Variants in FARP2 observed in about 807,000 individuals in gnomAD.
FARP2 encodes the protein FERM, ARH/RhoGEF and pleckstrin domain protein 2, also known as FERM, ARHGEF and pleckstrin domain-containing protein 2.
Under a neutral mutation model 130.5 loss-of-function variants are expected in FARP2, and 111 were observed. The ratio of observed to expected loss-of-function variants is 0.85; its 90% CI spans 0.73 to 1.00. The LOEUF (loss-of-function observed/expected upper bound fraction) is 1.00. FARP2 is among the 50% of genes least tolerant of loss of function. The probability of loss-of-function intolerance (pLI) is 0.00; values close to 1 mark genes in which losing one functional copy is unlikely to be tolerated. For synonymous variants in FARP2, 504 were observed against 516.9 expected (o/e 0.98, Z 0.34); for missense variants, 1,385 against 1,346.3 (o/e 1.03, Z -0.45).
chr2:241,466,233 C>A (rs1034209568), intron 17 of FARP2: 2 of 985,460 alleles, frequency 2.0e-6, no homozygotes. Context: ...CCCCTGTCCC[C>A]CTACAGTGCA....
intron 26 of FARP2, 90 bp downstream of exon 26, chr2:241,493,534 C>G (rs1035327076): frequency 1.6e-6 from 2 of 1,235,216 alleles, no homozygotes; most frequent in Non-Finnish European, 2.4e-6. Context: ...GGCAAGTTTT[C>G]TGGGCCCTGG....
At chr2:241,455,735 CTTTTTTTTT>C (rs1180839402) in intron 13 of FARP2, among the ~76,000 whole-genome samples, 5 of 94,802 alleles carry the variant, frequency 5.3e-5, no homozygotes, top group African/African-American at 1.5e-4. Flanking sequence ...CTAAAGTTTT[CTTTTTTTTT>C]TTTTTTTTTT....
At chr2:241,466,134 A>G (rs1296337252) in intron 17 of FARP2, 11 of 1,057,886 alleles carry the variant, frequency 1.0e-5, no homozygotes, top group Non-Finnish European at 1.3e-5. Context: ...CACAAAACCA[A>G]ATCTGGGTGT....
At chr2:241,399,458 C>T (rs1399934247) in intron 2 of FARP2, among the ~76,000 whole-genome samples, 1 of 152,196 alleles carries the variant, frequency 6.6e-6, no homozygotes, top group Non-Finnish European at 1.5e-5. Context: ...GCACACGCCG[C>T]CACACCCGGC....
chr2:241,464,260 G>A (rs1474303564), intron 17 of FARP2, among the ~76,000 whole-genome samples: 1 of 150,906 alleles, frequency 6.6e-6, no homozygotes, highest in South Asian at 2.1e-4. Flanking sequence ...CTCAAAACAA[G>A]GTTTCCTGAG....
At chr2:241,472,442 C>T (rs1251112200) in intron 18 of FARP2, among the ~76,000 whole-genome samples, 1 of 149,996 alleles carries the variant, frequency 6.7e-6, no homozygotes, top group Admixed American at 6.6e-5. Flanking sequence ...GAGGGAGATT[C>T]TTTTCTGTGG....
At chr2:241,361,905 T>C in intron 1 of FARP2, among the ~76,000 whole-genome samples, 1 of 150,560 alleles carries the variant, frequency 6.6e-6, no homozygotes, top group Admixed American at 6.6e-5. Context: ...TATTTATTTA[T>C]TTTTTTTTAG....
chr2:241,462,716 G>T, intron 15 of FARP2, 104 bp downstream of exon 15: 1 of 756,530 alleles, frequency 1.3e-6, no homozygotes, highest in Non-Finnish European at 2.2e-6. Context: ...TTGAGATGGA[G>T]CCTCACTCTG....
chr2:241,480,829 T>C (rs2064595606), intron 19 of FARP2, among the ~76,000 whole-genome samples: 1 of 152,114 alleles, frequency 6.6e-6, no homozygotes, highest in Non-Finnish European at 1.5e-5. Context: ...TTTTTGTGTA[T>C]AGTGGAAGGT....
At chr2:241,395,913 T>G (rs1202448937) in intron 2 of FARP2, 1 of 152,234 alleles carries the variant, frequency 6.6e-6, no homozygotes, top group East Asian at 1.9e-4. Context: ...TGTGGTGATC[T>G]AATTATTGAT....
intron 13 of FARP2, among the ~76,000 whole-genome samples, chr2:241,455,533 G>T (rs1032395073): frequency 6.7e-6 from 1 of 149,614 alleles, no homozygotes; most frequent in African/African-American, 2.5e-5. Context: ...GGCACCCGCC[G>T]CCATGCCCGG....
chr2:241,449,471 T>TA (rs1185024511), intron 13 of FARP2, among the ~76,000 whole-genome samples: 2 of 152,130 alleles, frequency 1.3e-5, no homozygotes, highest in Admixed American at 6.6e-5. Context: ...AATCATTTGT[T>TA]AGAGTTTTAA....
In FARP2 at chr2:241,435,084, A is replaced by G; in HGVS notation, c.1100+54A>G. On this transcript the variant is annotated intron_variant, in intron 11 of 26. Transcript: ENST00000264042. Reference sequence around the variant, plus strand: ...GTGTGCTTTTAAAATTAAAATTTAAATATATATATGGAGAGAGAGCGAAAA... The same window carrying G: ...GTGTGCTTTTAAAATTAAAATTTAAGTATATATATGGAGAGAGAGCGAAAA... 2 of 1,077,018 alleles carry G rather than the reference A, an allele frequency of 1.9e-6. 1 individual carries two copies. Among genetic ancestry groups the G allele is most frequent in the South Asian group, 2.9e-5 (2 of 68,780 alleles). 66.7% of individuals were successfully genotyped at this position (1,077,018 alleles called of 1,614,324 possible).
chr2:241,380,335 C>T (rs1035309604), intron 2 of FARP2, among the ~76,000 whole-genome samples: 2 of 152,132 alleles, frequency 1.3e-5, no homozygotes, highest in East Asian at 1.9e-4. Flanking sequence ...GTGGCTGACC[C>T]ATGTGAGCTG....
chr2:241,385,519 C>G (rs780353260), intron 2 of FARP2, among the ~76,000 whole-genome samples: 1 of 151,964 alleles, frequency 6.6e-6, no homozygotes, highest in Non-Finnish European at 1.5e-5. Context: ...CTCAGGAGCT[C>G]GAGACAATTC....
Position 241,425,742 on chromosome 2 carries a change from T to TC in FARP2, c.772-5937_772-5936insC, listed in dbSNP as rs1491094472. ...AGCTGGTACAATTTCTCTCTCTCTC[T>TC]TTTTTTTTTTTTTTTTTTTGAGACA... On this transcript the variant is annotated intron_variant, in intron 8 of 26. Transcript: ENST00000264042. Among the ~76,000 whole-genome samples the TC allele has an allele frequency of 2.9e-3, 22 of 7,470 alleles. No homozygotes were observed. In the East Asian group the frequency reaches 0.037, roughly 12 times the overall value. 4.9% of individuals were successfully genotyped at this position (7,470 alleles called of 152,430 possible).
intron 13 of FARP2, chr2:241,442,308 C>T (rs1353907132): frequency 4.4e-6 from 2 of 456,758 alleles, no homozygotes; most frequent in Non-Finnish European, 8.8e-6. Flanking sequence ...AGTTCTCTGA[C>T]ATCATCGACC....
At chr2:241,466,014 A>G in intron 17 of FARP2, 2 of 1,337,152 alleles carry the variant, frequency 1.5e-6, no homozygotes, top group Non-Finnish European at 9.6e-7. Flanking sequence ...AATATACACA[A>G]ATCTGTTTGA....
At chr2:241,417,814 G>A in intron 7 of FARP2, 148 bp from the exon 8 acceptor site, 1 of 805,484 alleles carries the variant, frequency 1.2e-6, no homozygotes, top group Non-Finnish European at 2.0e-6. Flanking sequence ...TGCTGTTTTT[G>A]TAGTGGGTAA....
Sources: gnomAD v4.1 joint callset for allele counts (sites outside exome capture counted in the v4.1 genomes callset) on GRCh38, gnomAD v4.1.1 for gene constraint, MANE v1.5 for transcripts, NCBI Gene and HGNC (gene_info 2026-07-23, HGNC 2026-07-21) for gene names.